TRPM3: variants seen among roughly 807,000 people sequenced by gnomAD.
TRPM3 encodes long transient receptor potential channel 3.
In TRPM3, 77 loss-of-function variants were observed where a neutral mutation model predicts 181.2. That is an observed-to-expected ratio of 0.42 (90% confidence interval 0.35 to 0.51). The LOEUF (loss-of-function observed/expected upper bound fraction) is 0.51, where lower values mean the gene tolerates loss of function less well. Ranked by LOEUF, TRPM3 falls within the 20% of genes least tolerant of loss-of-function variation. The probability of loss-of-function intolerance (pLI) is 0.01; values close to 1 mark genes in which losing one functional copy is unlikely to be tolerated. For synonymous variants in TRPM3, 745 were observed against 796.4 expected, an observed-to-expected ratio of 0.94 and a Z score of 1.09; for missense variants, 1,759 against 2,196.7, an observed-to-expected ratio of 0.80 and a Z score of 3.98.
At chr9:71,442,979 C>T (rs1427413924) in intron 1 of TRPM3, among the ~76,000 whole-genome samples, 3 of 152,272 alleles carry the variant, frequency 2.0e-5, no homozygotes, top group East Asian at 1.9e-4. Context: ...ACCAATTCAA[C>T]ACAGACAGTA....
intron 1 of TRPM3, among the ~76,000 whole-genome samples, chr9:71,418,094 T>A (rs2093664867): frequency 6.6e-6 from 1 of 151,924 alleles, no homozygotes; most frequent in South Asian, 2.1e-4. Context: ...GCTTCAATAG[T>A]GTGCTTTAAA....
chr9:71,117,998 T>A (rs1198007563), intron 1 of TRPM3, among the ~76,000 whole-genome samples: 1 of 152,204 alleles, frequency 6.6e-6, no homozygotes, highest in African/African-American at 2.4e-5. Flanking sequence ...AAGATAGACC[T>A]GATAATGAAT....
At chr9:71,137,133 AG>A (rs1319552529) in intron 1 of TRPM3, among the ~76,000 whole-genome samples, 1 of 152,220 alleles carries the variant, frequency 6.6e-6, no homozygotes, top group African/African-American at 2.4e-5. Context: ...AGACACTCCA[AG>A]GGTGTGCTTA....
intron 11 of TRPM3, 40 bp from the exon 12 acceptor site, chr9:70,635,301 A>G (rs570702831): frequency 1.3e-5 from 21 of 1,597,418 alleles, no homozygotes; most frequent in Admixed American, 3.3e-5. Flanking sequence ...TTTGCTAGTC[A>G]GGGGCTCTGG....
chr9:71,442,604 T>C (rs1044743508), intron 1 of TRPM3, among the ~76,000 whole-genome samples: 2 of 152,304 alleles, frequency 1.3e-5, no homozygotes, highest in South Asian at 2.1e-4. Flanking sequence ...AAGATAAATG[T>C]GTGGTTAAAT....
chr9:71,126,571 AAACAGATT>A (rs2074043140), upstream of TRPM3, among the ~76,000 whole-genome samples: 1 of 152,180 alleles, frequency 6.6e-6, no homozygotes. Context: ...ATATGTTTTC[AAACAGATT>A]AACTTTTTTC....
At chr9:70,993,834 G>A (rs2097516540) in intron 1 of TRPM3, among the ~76,000 whole-genome samples, 1 of 151,650 alleles carries the variant, frequency 6.6e-6, no homozygotes, top group African/African-American at 2.4e-5. Context: ...AAGCACTCCA[G>A]GGGGATTGAG....
intron 8 of TRPM3, among the ~76,000 whole-genome samples, chr9:70,744,394 A>C (rs2074759723): frequency 1.3e-5 from 2 of 152,040 alleles, no homozygotes; most frequent in African/African-American, 4.8e-5. Context: ...TTTGCTCTTC[A>C]TTTGTATAGT....
At chr9:70,793,240 G>A (rs1003990294) in intron 6 of TRPM3, among the ~76,000 whole-genome samples, 5 of 151,996 alleles carry the variant, frequency 3.3e-5, no homozygotes, top group Admixed American at 2.0e-4. Context: ...GATCATTTGA[G>A]CCCAGGAATT....
intron 1 of TRPM3, among the ~76,000 whole-genome samples, chr9:71,209,594 C>T (rs1000660913): frequency 2.6e-5 from 4 of 152,144 alleles, no homozygotes; most frequent in Non-Finnish European, 5.9e-5. Context: ...GAGAGAGAGG[C>T]AAAGAGCACC....
At chr9:70,636,348 G>A (rs1399869545) in intron 11 of TRPM3, among the ~76,000 whole-genome samples, 5 of 151,428 alleles carry the variant, frequency 3.3e-5, no homozygotes, top group Admixed American at 1.3e-4. Flanking sequence ...GCTGGATTTC[G>A]ATGACAGTTT....
At chr9:71,433,377 G>A (rs553087989) in intron 1 of TRPM3, among the ~76,000 whole-genome samples, 38 of 152,216 alleles carry the variant, frequency 2.5e-4, no homozygotes, top group Middle Eastern at 3.4e-3. Flanking sequence ...TTCCTCCTTC[G>A]TTTGGCATGT....
intron 1 of TRPM3, among the ~76,000 whole-genome samples, chr9:71,293,142 A>C (rs147500231): frequency 1.1e-3 from 167 of 151,874 alleles, no homozygotes; most frequent in African/African-American, 3.9e-3. Context: ...ATAAAATACA[A>C]CTTCATCTTG....
chr9:70,828,324 C>A (rs1384811484), intron 5 of TRPM3, among the ~76,000 whole-genome samples: 2 of 152,144 alleles, frequency 1.3e-5, no homozygotes, highest in Non-Finnish European at 2.9e-5. Context: ...TTGAAGTCAA[C>A]CTTGTATTTG....
intron 19 of TRPM3, among the ~76,000 whole-genome samples, chr9:70,608,196 C>T (rs1321029982): frequency 6.6e-6 from 1 of 152,212 alleles, no homozygotes; most frequent in Non-Finnish European, 1.5e-5. Flanking sequence ...CTGCCAGAGT[C>T]TCTGAGCCTA....
At chr9:70,567,577 T>C (rs2050955481) in intron 22 of TRPM3, among the ~76,000 whole-genome samples, 1 of 152,226 alleles carries the variant, frequency 6.6e-6, no homozygotes, top group African/African-American at 2.4e-5. Context: ...AGTGCCACTC[T>C]AAACAATGCT....
At chr9:71,113,518 C>T (rs1026704945) in intron 1 of TRPM3, among the ~76,000 whole-genome samples, 4 of 152,194 alleles carry the variant, frequency 2.6e-5, no homozygotes, top group East Asian at 3.9e-4. Context: ...AGTTTTTCTG[C>T]CTCTAATCAT....
intron 1 of TRPM3, among the ~76,000 whole-genome samples, chr9:71,167,009 T>C (rs1248109850): frequency 6.6e-6 from 1 of 152,144 alleles, no homozygotes; most frequent in Non-Finnish European, 1.5e-5. Flanking sequence ...AATGAGGTAA[T>C]GGCAGAAAGG....
intron 1 of TRPM3, among the ~76,000 whole-genome samples, chr9:71,306,214 G>C (rs2087301662): frequency 6.6e-6 from 1 of 152,098 alleles, no homozygotes; most frequent in Non-Finnish European, 1.5e-5. Context: ...AAACATTTTG[G>C]CTATTGAGAT....
Sources: allele counts gnomAD v4.1 joint callset (sites outside exome capture counted in the v4.1 genomes callset), GRCh38; gene constraint gnomAD v4.1.1; transcripts MANE v1.5; gene names NCBI Gene and HGNC (gene_info 2026-07-23, HGNC 2026-07-21).